The following NCAM1 variants were observed in gnomAD, a reference collection of about 807,000 sequenced individuals.
NCAM1 encodes antigen recognized by monoclonal antibody 5.1H11.
In NCAM1, 14 loss-of-function variants were observed where a neutral mutation model predicts 109.8. That is an observed-to-expected ratio of 0.13 (90% CI 0.08 to 0.20). The LOEUF is 0.20. Among genes scored for constraint, NCAM1 ranks in the 10% least tolerant of loss-of-function variants. NCAM1 has a pLI of 1.00. For synonymous variants in NCAM1, 418 were observed against 442.9 expected (o/e 0.94, Z 0.70); for missense variants, 774 against 1,109.9 (o/e 0.70, Z 4.30).
chr11:113,113,272 A>G (rs1461604079), intron 1 of NCAM1, among the ~76,000 whole-genome samples: 3 of 152,106 alleles, frequency 2.0e-5, no homozygotes, highest in East Asian at 3.8e-4. Flanking sequence ...AAACCCATAG[A>G]TTATTTTGGG....
chr11:113,131,931 A>ATC (rs1184379764), intron 1 of NCAM1, among the ~76,000 whole-genome samples: 2 of 152,200 alleles, frequency 1.3e-5, no homozygotes, highest in East Asian at 3.8e-4. Flanking sequence ...ACAGTTAGCC[A>ATC]TCTCTGCCAT....
At chr11:113,184,460 C>G (rs1201936083) in intron 1 of NCAM1, among the ~76,000 whole-genome samples, 1 of 152,204 alleles carries the variant, frequency 6.6e-6, no homozygotes, top group Non-Finnish European at 1.5e-5. Flanking sequence ...TTTGAAGATA[C>G]AATAGCAGTA....
rs377485463 is a variant in NCAM1 at position 113,211,367 on chromosome 11, G to A, written c.917-3002G>A. 3.5e-3 allele frequency among the ~76,000 whole-genome samples: 534 copies of A among 152,214 alleles called. 5 individuals carry two copies. The highest frequency in any genetic ancestry group is 6.2e-3 in the Non-Finnish European group (425 of 68,026). On this transcript the variant is annotated intron_variant, in intron 7 of 19. Coordinates refer to ENST00000316851, the MANE Select transcript of NCAM1 (RefSeq NM_181351.5). ...GAAGGAATGTCCATCAGTATGTATG[G>A]GACATATCTCAATTAGAGACTTTAT... is the stretch of plus-strand genomic sequence containing the variant.
At chr11:113,252,481 A>C (rs112888205) in intron 15 of NCAM1, among the ~76,000 whole-genome samples, 2,352 of 151,940 alleles carry the variant, frequency 0.015, 63 homozygotes, top group African/African-American at 0.053. Context: ...AAAAGAATTA[A>C]TCATAACTTA....
intron 14 of NCAM1, chr11:113,243,672 A>T (rs973125918): frequency 6.1e-6 from 3 of 494,552 alleles, no homozygotes; most frequent in African/African-American, 3.9e-5. Context: ...GTATGCGTGC[A>T]TGTTCATAGT....
At chr11:113,017,344 G>C (rs927230248) in intron 1 of NCAM1, among the ~76,000 whole-genome samples, 2 of 152,294 alleles carry the variant, frequency 1.3e-5, no homozygotes, top group South Asian at 4.1e-4. Flanking sequence ...TTAAAAGGCA[G>C]ATACAAAGTT....
intron 14 of NCAM1, among the ~76,000 whole-genome samples, chr11:113,235,722 A>ATAGC (rs1945146751): frequency 6.6e-6 from 1 of 152,218 alleles, no homozygotes; most frequent in Non-Finnish European, 1.5e-5. Context: ...TCTCCCTCCC[A>ATAGC]TAGCAAGAGC....
intron 1 of NCAM1, among the ~76,000 whole-genome samples, chr11:113,052,222 A>T (rs1953529220): frequency 6.6e-6 from 1 of 152,216 alleles, no homozygotes; most frequent in Admixed American, 6.5e-5. Context: ...CTGCAAGTCG[A>T]GTCAATAAAG....
chr11:113,132,902 C>T (rs1200576539), intron 1 of NCAM1: 1 of 152,296 alleles, frequency 6.6e-6, no homozygotes, highest in African/African-American at 2.4e-5. Flanking sequence ...TGTATACTGT[C>T]TGTTTTATAA....
intron 8 of NCAM1, among the ~76,000 whole-genome samples, chr11:113,217,320 C>T (rs1481261242): frequency 6.6e-6 from 1 of 152,200 alleles, no homozygotes; most frequent in Non-Finnish European, 1.5e-5. Flanking sequence ...ACTCAGTCCT[C>T]CTAGCCTCTG....
In NCAM1 at chr11:112,963,708, A is replaced by G. The variant is rs559432558; in HGVS notation, c.52+2044A>G. ...CTCGCCCCCGGGTGGGAGCGTGACAATGGAGCCCGGATATTTGGTGGGCCT... is the reference window on the plus strand; with the variant it reads ...CTCGCCCCCGGGTGGGAGCGTGACAGTGGAGCCCGGATATTTGGTGGGCCT... On this transcript the variant is annotated intron_variant, in intron 1 of 19. Transcript: ENST00000316851. This position sits in a 1 kb window ranked among gnomAD's most constrained non-coding sequence, Gnocchi z 4.6. Among the ~76,000 whole-genome samples the G allele has an allele frequency of 6.6e-6, 1 of 152,294 alleles. No individual in the cohort carries two copies. The highest frequency in any genetic ancestry group is 2.4e-5 in the African/African-American group (1 of 41,584).
intron 1 of NCAM1, among the ~76,000 whole-genome samples, chr11:112,982,037 T>C (rs1940725): frequency 0.45 from 68,349 of 151,632 alleles, 16,271 homozygotes; most frequent in East Asian, 0.8. Context: ...TGACTTTTCC[T>C]CCGCAAGAAG....
intron 1 of NCAM1, among the ~76,000 whole-genome samples, chr11:113,111,784 A>C (rs1309417362): frequency 7.2e-5 from 11 of 152,202 alleles, no homozygotes; most frequent in Admixed American, 7.2e-4. Flanking sequence ...TCTTTAAAAG[A>C]GAGACTCTGT....
chr11:113,128,102 C>G (rs184215875), intron 1 of NCAM1, among the ~76,000 whole-genome samples: 1 of 152,290 alleles, frequency 6.6e-6, no homozygotes, highest in East Asian at 1.9e-4. Flanking sequence ...TGTTTTATTA[C>G]TTAATCCGTG....
intron 1 of NCAM1, among the ~76,000 whole-genome samples, chr11:113,200,891 AGT>A (rs1460089284): frequency 3.3e-5 from 5 of 152,260 alleles, no homozygotes; most frequent in African/African-American, 1.2e-4. Context: ...GGGAGCCGGC[AGT>A]GGTGGTCTGA....
Position 113,233,654 on chromosome 11 carries a change from G to A in NCAM1, c.1693+337G>A, listed in dbSNP as rs781812024. 2.1e-4 allele frequency among the ~76,000 whole-genome samples: 32 copies of A among 152,160 alleles called. No homozygotes were observed. Among genetic ancestry groups the A allele is most frequent in the Non-Finnish European group, 3.7e-4 (25 of 68,022 alleles). On this transcript the variant is annotated intron_variant, in intron 13 of 19. Transcript: ENST00000316851. This position sits in a 1 kb window ranked among gnomAD's most constrained non-coding sequence, Gnocchi z 4.5. ...GAGTCTAATCCATCCTACTCTGCAC[G>A]TTTGAGTTACCTGTGCTGCAGGTTC...
chr11:113,237,649 C>T (rs1328795617), intron 14 of NCAM1, among the ~76,000 whole-genome samples: 1 of 152,182 alleles, frequency 6.6e-6, no homozygotes, highest in African/African-American at 2.4e-5. Flanking sequence ...TCAACTGAGT[C>T]TCCAGGTTTC....
intron 1 of NCAM1, among the ~76,000 whole-genome samples, chr11:113,097,910 A>G (rs1245104): frequency 0.83 from 126,498 of 152,174 alleles, 52,947 homozygotes; most frequent in African/African-American, 0.93. Context: ...AGGGGCAATG[A>G]AGCTTTCTTC....
At chr11:113,266,873 T>C (rs1946142560) in intron 17 of NCAM1, among the ~76,000 whole-genome samples, 1 of 152,190 alleles carries the variant, frequency 6.6e-6, no homozygotes, top group Non-Finnish European at 1.5e-5. Flanking sequence ...CAGTGTAGAA[T>C]GTATGACTTG....
Sources: gnomAD v4.1 joint callset for allele counts (sites outside exome capture counted in the v4.1 genomes callset) on GRCh38, gnomAD v4.1.1 for gene constraint, Gnocchi (gnomAD v3.1) non-coding constraint, MANE v1.5 for transcripts, NCBI Gene and HGNC (gene_info 2026-07-23, HGNC 2026-07-21) for gene names.